The following NSD1 variants were observed in gnomAD, a reference collection of about 807,000 sequenced individuals.
NSD1 encodes nuclear receptor binding SET domain protein 1, also known as histone-lysine N-methyltransferase, H3 lysine-36 specific.
In NSD1, 26 loss-of-function variants were observed where a neutral mutation model predicts 242.7. The ratio of observed to expected loss-of-function variants is 0.11; its 90% CI spans 0.08 to 0.15. The LOEUF is 0.15. Among genes scored for constraint, NSD1 ranks in the 10% least tolerant of loss-of-function variants. The probability of loss-of-function intolerance (pLI) is 1.00; values close to 1 mark genes in which losing one functional copy is unlikely to be tolerated. For synonymous variants in NSD1, 1,106 were observed against 1,178.1 expected (o/e 0.94, Z 1.25); for missense variants, 2,495 against 3,272.8 (o/e 0.76, Z 5.80).
intron 2 of NSD1, among the ~76,000 whole-genome samples, chr5:177,165,744 GTAC>G (rs1021910935): frequency 6.6e-6 from 1 of 151,898 alleles, no homozygotes; most frequent in African/African-American, 2.4e-5. Context: ...GACTACAGGT[GTAC>G]ACCACCATGC....
intron 2 of NSD1, among the ~76,000 whole-genome samples, chr5:177,150,544 GC>G (rs763372680): frequency 0.018 from 2,705 of 152,018 alleles, 32 homozygotes; most frequent in Non-Finnish European, 0.028. Context: ...AGTGTTTTTT[GC>G]TGTTATTATT....
chr5:177,239,944 T>G, intron 8 of NSD1, 79 bp downstream of exon 8: 1 of 848,520 alleles, frequency 1.2e-6, no homozygotes, highest in South Asian at 1.4e-5. Flanking sequence ...GAGTAGCAGT[T>G]ATAACATTGA....
At chr5:177,232,163 C>T (rs1765109553) in intron 5 of NSD1, among the ~76,000 whole-genome samples, 1 of 152,110 alleles carries the variant, frequency 6.6e-6, no homozygotes. Flanking sequence ...CCTCCCATGC[C>T]TTTTATGTTT....
intron 2 of NSD1, among the ~76,000 whole-genome samples, chr5:177,164,371 G>T (rs1759007034): frequency 6.6e-6 from 1 of 151,834 alleles, no homozygotes; most frequent in Non-Finnish European, 1.5e-5. Flanking sequence ...TGGCCAGGCT[G>T]GTCTTTAACT....
At position 177,257,143 on chromosome 5, in the gene NSD1, C is replaced by T. The variant is rs1756532660; in HGVS notation, c.4958C>T (p.Ala1653Val). The T allele has an allele frequency of 1.9e-6, 3 of 1,613,418 alleles. No individual in the cohort carries two copies. The highest frequency in any genetic ancestry group is 2.5e-6 in the Non-Finnish European group (3 of 1,179,570). ...CHAANPANVSASKGRLMRCVR... is the reference protein window; with the variant it reads ...CHAANPANVSVSKGRLMRCVR... ...GCTGCTAATCCAGCCAATGTTTCTG[C>T]ATCTAAAGGTATGGATTTCTTATGT... is the stretch of plus-strand genomic sequence containing the variant. Residue 1653 changes from alanine (A) to valine (V), a missense_variant, in exon 13 of 23, where the codon GCA becomes GTA. By Grantham distance (64) the Ala-to-Val change is moderately conservative (BLOSUM62 0). Transcript: ENST00000439151.
At chr5:177,191,579 A>T (rs1761701045) in intron 2 of NSD1, among the ~76,000 whole-genome samples, 1 of 150,320 alleles carries the variant, frequency 6.7e-6, no homozygotes, top group Non-Finnish European at 1.5e-5. Flanking sequence ...TTTCCTTCGG[A>T]TGATTTTCTT....
In NSD1 at chr5:177,150,767, C is replaced by G. The variant is rs540031036; in HGVS notation, c.927+14737C>G. Among the ~76,000 whole-genome samples, 5 of 152,208 alleles carry G rather than the reference C, an allele frequency of 3.3e-5. No individual in the cohort carries two copies. In the South Asian group the frequency reaches 1.0e-3, roughly 32 times the overall value. On this transcript the variant is annotated intron_variant, in intron 2 of 22. Transcript: ENST00000439151. ...TAGTCTTTCTTTGTAAATTATGAGG[C>G]TATATTTCCTGTGTTATCTCTGATT...
chr5:177,256,037 G>A (rs1211170795), intron 12 of NSD1, among the ~76,000 whole-genome samples: 3 of 152,038 alleles, frequency 2.0e-5, no homozygotes, highest in Non-Finnish European at 2.9e-5. Flanking sequence ...GCGAGAATAT[G>A]TAATAACTTC....
intron 14 of NSD1, chr5:177,265,865 T>G (rs1276824492): frequency 6.8e-7 from 1 of 1,471,312 alleles, no homozygotes; most frequent in African/African-American, 1.4e-5. Context: ...GTCATTCTGC[T>G]TCACTTGCAG....
At chr5:177,219,952 A>G (rs746665052) in intron 5 of NSD1, among the ~76,000 whole-genome samples, 20 of 151,922 alleles carry the variant, frequency 1.3e-4, no homozygotes, top group Admixed American at 5.9e-4. Context: ...ACAGAGTAAG[A>G]TCCTGTGTCA....
At chr5:177,204,066 G>C in intron 3 of NSD1, 54 bp from the exon 4 acceptor site, 1 of 1,524,658 alleles carries the variant, frequency 6.6e-7, no homozygotes, top group Non-Finnish European at 9.1e-7. Flanking sequence ...TTCTCTTAAT[G>C]ATGAGAAGTA....
At chr5:177,176,593 G>C (rs1760229585) in intron 2 of NSD1, among the ~76,000 whole-genome samples, 2 of 151,858 alleles carry the variant, frequency 1.3e-5, no homozygotes, top group Admixed American at 1.3e-4. Flanking sequence ...CACCACACCC[G>C]ACCCCATTAT....
intron 17 of NSD1, among the ~76,000 whole-genome samples, chr5:177,280,183 T>A (rs1226681618): frequency 6.6e-6 from 1 of 151,138 alleles, no homozygotes; most frequent in Non-Finnish European, 1.5e-5. Context: ...TTCACCGTGT[T>A]AGCCAGGATG....
At chr5:177,225,977 T>C (rs1360191999) in intron 5 of NSD1, among the ~76,000 whole-genome samples, 1 of 152,152 alleles carries the variant, frequency 6.6e-6, no homozygotes, top group Non-Finnish European at 1.5e-5. Flanking sequence ...TGTACCTTGA[T>C]TTTTTTGTTT....
intron 2 of NSD1, among the ~76,000 whole-genome samples, chr5:177,140,484 A>G (rs1756721102): frequency 6.6e-6 from 1 of 152,090 alleles, no homozygotes; most frequent in Admixed American, 6.6e-5. Context: ...AGTAGAGGAG[A>G]TTAGAGGCAA....
chr5:177,217,230 T>C (rs1233625679), intron 5 of NSD1, among the ~76,000 whole-genome samples: 1 of 152,158 alleles, frequency 6.6e-6, no homozygotes, highest in Non-Finnish European at 1.5e-5. Context: ...CTTGGTTAAG[T>C]TTATTCTTAA....
chr5:177,142,724 A>G (rs899280793), intron 2 of NSD1, among the ~76,000 whole-genome samples: 1 of 152,100 alleles, frequency 6.6e-6, no homozygotes, highest in Admixed American at 6.6e-5. Context: ...GTTGGTCTTC[A>G]TTTAGTCTTT....
intron 17 of NSD1, among the ~76,000 whole-genome samples, chr5:177,276,840 A>G (rs1758428530): frequency 6.6e-6 from 1 of 152,232 alleles, no homozygotes; most frequent in East Asian, 1.9e-4. Context: ...CAAAACGAAA[A>G]AAGTCATAAA....
chr5:177,262,588 C>T (rs1356543785), intron 14 of NSD1, among the ~76,000 whole-genome samples: 1 of 152,236 alleles, frequency 6.6e-6, no homozygotes, highest in Non-Finnish European at 1.5e-5. Context: ...CTCAATAATA[C>T]AGCTACAAGG....
Sources: allele counts gnomAD v4.1 joint callset (sites outside exome capture counted in the v4.1 genomes callset), GRCh38; gene constraint gnomAD v4.1.1; transcripts MANE v1.5; gene names NCBI Gene and HGNC (gene_info 2026-07-23, HGNC 2026-07-21).